The following PIK3C2G variants were observed in gnomAD, a reference collection of about 807,000 sequenced individuals.
PIK3C2G encodes phosphatidylinositol-4-phosphate 3-kinase catalytic subunit type 2 gamma.
A neutral mutation model predicts 181.1 loss-of-function variants in PIK3C2G; 168 were observed. That is an observed-to-expected ratio of 0.93 (90% CI 0.82 to 1.05). The LOEUF is 1.05. Among genes scored for constraint, PIK3C2G ranks in the 50% least tolerant of loss-of-function variants. The pLI, the probability that PIK3C2G is intolerant of heterozygous loss-of-function variation, is 0.00. For synonymous variants in PIK3C2G, 573 were observed against 592.2 expected (o/e 0.97, Z 0.47); for missense variants, 1,869 against 1,732.8 (o/e 1.08, Z -1.40).
intron 31 of PIK3C2G, among the ~76,000 whole-genome samples, chr12:18,618,878 C>T (rs553084510): frequency 6.6e-6 from 1 of 152,050 alleles, no homozygotes; most frequent in South Asian, 2.1e-4. Flanking sequence ...AAGATAGACT[C>T]ATAGAAATTA....
At chr12:18,558,361 G>C (rs1262362302) in intron 26 of PIK3C2G, among the ~76,000 whole-genome samples, 4 of 152,158 alleles carry the variant, frequency 2.6e-5, no homozygotes, top group South Asian at 2.1e-4. Context: ...GAATTAGAAA[G>C]ATTGTTCAGT....
At chr12:18,615,905 T>C (rs1023461908) in intron 31 of PIK3C2G, among the ~76,000 whole-genome samples, 1 of 152,102 alleles carries the variant, frequency 6.6e-6, no homozygotes, top group Non-Finnish European at 1.5e-5. Context: ...TAATACCTTA[T>C]AGTACTATAC....
intron 31 of PIK3C2G, among the ~76,000 whole-genome samples, chr12:18,616,987 A>G (rs1327189104): frequency 6.6e-6 from 1 of 152,170 alleles, no homozygotes; most frequent in African/African-American, 2.4e-5. Flanking sequence ...GCTGGCAGTC[A>G]CGCAATTCCT....
At chr12:18,410,751 C>A (rs548797485) in intron 16 of PIK3C2G, among the ~76,000 whole-genome samples, 1 of 152,148 alleles carries the variant, frequency 6.6e-6, no homozygotes, top group East Asian at 1.9e-4. Flanking sequence ...AATTTCTATC[C>A]TTTTCAGTGC....
the PIK3C2G span, chr12:18,713,059 C>A: frequency 6.4e-7 from 1 of 1,562,094 alleles, no homozygotes; most frequent in African/African-American, 1.4e-5. Flanking sequence ...TTAAAATATT[C>A]CAAAGACCAT....
chr12:18,533,898 T>G (rs1274141631), intron 24 of PIK3C2G, among the ~76,000 whole-genome samples: 1 of 150,840 alleles, frequency 6.6e-6, no homozygotes. Context: ...AAGGAAAACA[T>G]GTGAAAGTAA....
the PIK3C2G span, among the ~76,000 whole-genome samples, chr12:18,697,414 A>T: frequency 1.3e-5 from 2 of 152,134 alleles, no homozygotes; most frequent in Non-Finnish European, 2.9e-5. Flanking sequence ...GTCCTAACAG[A>T]TGTCTGTCCT....
At chr12:18,593,390 C>T (rs966318342) in intron 29 of PIK3C2G, among the ~76,000 whole-genome samples, 57 of 151,914 alleles carry the variant, frequency 3.8e-4, no homozygotes, top group African/African-American at 1.2e-3. Flanking sequence ...TAGGAATTTC[C>T]ATCTGCCTTT....
intron 1 of PIK3C2G, among the ~76,000 whole-genome samples, chr12:18,266,051 A>G (rs76508776): frequency 2.7e-5 from 4 of 149,096 alleles, no homozygotes; most frequent in African/African-American, 9.9e-5. Context: ...ACACTACGCA[A>G]TAGAAAATTT....
At chr12:18,359,621 T>C (rs1941055100) in intron 11 of PIK3C2G, among the ~76,000 whole-genome samples, 1 of 152,196 alleles carries the variant, frequency 6.6e-6, no homozygotes, top group African/African-American at 2.4e-5. Flanking sequence ...GCTTTATATA[T>C]TGGGTGTTCT....
At chr12:18,401,902 T>G (rs1032268268) in intron 16 of PIK3C2G, among the ~76,000 whole-genome samples, 1 of 152,142 alleles carries the variant, frequency 6.6e-6, no homozygotes, top group Non-Finnish European at 1.5e-5. Flanking sequence ...ATGGAGAAAT[T>G]GGAAACCTCA....
intron 18 of PIK3C2G, among the ~76,000 whole-genome samples, chr12:18,468,027 T>A (rs1343557983): frequency 1.3e-5 from 2 of 151,944 alleles, no homozygotes; most frequent in Non-Finnish European, 2.9e-5. Flanking sequence ...AAACTGCCAA[T>A]CAAATGACAT....
chr12:18,254,386 T>C (rs1948123465), intron 1 of PIK3C2G, among the ~76,000 whole-genome samples: 1 of 152,140 alleles, frequency 6.6e-6, no homozygotes, highest in African/African-American at 2.4e-5. Flanking sequence ...ATCTGTTTAT[T>C]TAAATTAATC....
At chr12:18,595,232 T>G (rs190504002) in intron 30 of PIK3C2G, among the ~76,000 whole-genome samples, 98 of 152,250 alleles carry the variant, frequency 6.4e-4, no homozygotes, top group Non-Finnish European at 2.9e-5. Context: ...AATTCTTAAT[T>G]CTTTTGTCAC....
chr12:18,671,476 A>G, the PIK3C2G span, among the ~76,000 whole-genome samples: 2 of 152,074 alleles, frequency 1.3e-5, no homozygotes, highest in African/African-American at 4.8e-5. Flanking sequence ...CCTAAAGAAG[A>G]TCACACATGA....
chr12:18,688,088 C>A, the PIK3C2G span: 3 of 1,610,498 alleles, frequency 1.9e-6, no homozygotes, highest in Non-Finnish European at 1.7e-6. Context: ...CAGGAGCTCA[C>A]CATTTTTTTT....
At chr12:18,257,270 A>T (rs972012765), upstream of PIK3C2G, among the ~76,000 whole-genome samples, 4 of 152,320 alleles carry the variant, frequency 2.6e-5, 1 homozygote, top group Middle Eastern at 0.014. Flanking sequence ...ATACGGGGTG[A>T]CAATTCTCGG....
chr12:18,651,063 C>G (rs538961659), downstream of PIK3C2G, among the ~76,000 whole-genome samples: 1 of 151,988 alleles, frequency 6.6e-6, no homozygotes, highest in South Asian at 2.1e-4. Context: ...CTAAAAGGCC[C>G]TATGTGATCT....
intron 25 of PIK3C2G, among the ~76,000 whole-genome samples, chr12:18,544,131 C>A (rs1345688198): frequency 6.6e-6 from 1 of 151,728 alleles, no homozygotes; most frequent in Non-Finnish European, 1.5e-5. Context: ...AGAGAAAAGG[C>A]AATTCCAGCT....
Sources: allele counts gnomAD v4.1 joint callset (sites outside exome capture counted in the v4.1 genomes callset), GRCh38; gene constraint gnomAD v4.1.1; transcripts MANE v1.5; gene names NCBI Gene and HGNC (gene_info 2026-07-23, HGNC 2026-07-21).